Variants in GALNT1 observed in about 807,000 individuals in gnomAD.
The protein encoded by GALNT1 is polypeptide N-acetylgalactosaminyltransferase 1.
GALNT1 carries 17 observed loss-of-function variants against 65.7 expected under a neutral mutation model. The observed-to-expected ratio is 0.26, with a 90% CI of 0.18 to 0.39. The LOEUF (loss-of-function observed/expected upper bound fraction) is 0.39, where lower values mean the gene tolerates loss of function less well. Ranked by LOEUF, GALNT1 falls within the 10% of genes least tolerant of loss-of-function variation. GALNT1 has a pLI of 1.00. For synonymous variants in GALNT1, 210 were observed against 219.7 expected, an observed-to-expected ratio of 0.96 and a Z score of 0.39; for missense variants, 460 against 672.8, an observed-to-expected ratio of 0.68 and a Z score of 3.50.
At chr18:35,677,285 G>A (rs1296109575) in intron 3 of GALNT1, among the ~76,000 whole-genome samples, 1 of 151,972 alleles carries the variant, frequency 6.6e-6, no homozygotes, top group Non-Finnish European at 1.5e-5. Flanking sequence ...TTCAGTTTTG[G>A]GCAGATAATA....
intron 1 of GALNT1, among the ~76,000 whole-genome samples, chr18:35,638,037 T>C (rs2047114937): frequency 6.6e-6 from 1 of 152,218 alleles, no homozygotes. Flanking sequence ...AAAGATTCCT[T>C]TCAAAATATT....
intron 9 of GALNT1, among the ~76,000 whole-genome samples, chr18:35,694,285 G>C (rs1042271721): frequency 9.2e-5 from 14 of 152,092 alleles, no homozygotes; most frequent in African/African-American, 2.9e-4. Context: ...GGAGAATATG[G>C]GCTTAAAGGG....
chr18:35,622,878 C>T (rs2046871923), intron 1 of GALNT1, among the ~76,000 whole-genome samples: 1 of 151,842 alleles, frequency 6.6e-6, no homozygotes, highest in Non-Finnish European at 1.5e-5. Context: ...GTTAGGTTAA[C>T]CAAATTCTTA....
intron 1 of GALNT1, among the ~76,000 whole-genome samples, chr18:35,593,932 A>C (rs1229845109): frequency 6.6e-6 from 1 of 150,864 alleles, no homozygotes; most frequent in Non-Finnish European, 1.5e-5. Context: ...CTGGCCTTGA[A>C]CTCCTGACCT....
At chr18:35,626,550 G>A (rs1405830218) in intron 1 of GALNT1, among the ~76,000 whole-genome samples, 1 of 152,050 alleles carries the variant, frequency 6.6e-6, no homozygotes, top group Non-Finnish European at 1.5e-5. Flanking sequence ...AATAATTATA[G>A]GTTGCAGATT....
intron 4 of GALNT1, among the ~76,000 whole-genome samples, chr18:35,681,875 T>G (rs1302907755): frequency 6.6e-6 from 1 of 152,160 alleles, no homozygotes; most frequent in African/African-American, 2.4e-5. Flanking sequence ...CTGTATCACC[T>G]TAATCAAATT....
At chr18:35,590,215 G>A (rs988689568) in intron 1 of GALNT1, among the ~76,000 whole-genome samples, 2 of 152,212 alleles carry the variant, frequency 1.3e-5, no homozygotes, top group African/African-American at 4.8e-5. Context: ...TGAGAGTTGA[G>A]AGTGCATCTC....
upstream of GALNT1, chr18:35,581,700 G>T (rs1446446060): frequency 0.016 from 1 of 62 alleles, no homozygotes; most frequent in Non-Finnish European, 0.036. Flanking sequence ...GCGGAGCGGG[G>T]CCCGGCCGGA....
At chr18:35,702,718 A>G in intron 9 of GALNT1, 179 bp from the exon 10 acceptor site, 1 of 391,380 alleles carries the variant, frequency 2.6e-6, no homozygotes, top group Non-Finnish European at 4.6e-6. Context: ...TTACATAAAC[A>G]GTTGTAAGAC....
rs111667407 is a variant in GALNT1, at chr18:35,643,763, A to G, written c.-103-10797A>G. On this transcript the variant is annotated intron_variant, in intron 1 of 11. Coordinates refer to ENST00000269195, the MANE Select transcript of GALNT1 (RefSeq NM_020474.4). The stretch of plus-strand genomic sequence containing the variant: ...CAGTGAGCCGAGATCGTGCCACTAC[A>G]CTCCAGCCTGGGCAACAGAGTGAGA... Among the ~76,000 whole-genome samples, 956 of 149,084 alleles carry G rather than the reference A, an allele frequency of 6.4e-3. 18 individuals carry two copies. The highest frequency in any genetic ancestry group is 0.023 in the African/African-American group (906 of 40,238).
intron 1 of GALNT1, among the ~76,000 whole-genome samples, chr18:35,645,295 A>G (rs796396513): frequency 7.3e-6 from 1 of 136,904 alleles, no homozygotes; most frequent in Non-Finnish European, 1.5e-5. Flanking sequence ...CAGTGGCGCA[A>G]TCTCAGCTCA....
chr18:35,599,157 CTAT>C (rs2046545804), intron 1 of GALNT1, among the ~76,000 whole-genome samples: 1 of 151,800 alleles, frequency 6.6e-6, no homozygotes, highest in Non-Finnish European at 1.5e-5. Context: ...GTGTTTTCTC[CTAT>C]TATAAACAGG....
At chr18:35,698,487 A>C (rs2048099440) in intron 9 of GALNT1, among the ~76,000 whole-genome samples, 2 of 152,128 alleles carry the variant, frequency 1.3e-5, no homozygotes, top group South Asian at 4.1e-4. Context: ...AAATAAAATA[A>C]AATAAATGAA....
Position 35,630,763 on chromosome 18 carries a change from G to C in GALNT1, c.-103-23797G>C, listed in dbSNP as rs558083494. Among the ~76,000 whole-genome samples the C allele has an allele frequency of 4.7e-3, 713 of 152,224 alleles. 3 individuals carry two copies. Among genetic ancestry groups the C allele is most frequent in the Non-Finnish European group, 8.0e-3 (542 of 68,012 alleles). Reference sequence around the variant, plus strand: ...CCCTTCAAAAAATCAATGAATCCAGGAGCTGGTTTTTTGAAAAGATCAACA... The same window carrying C: ...CCCTTCAAAAAATCAATGAATCCAGCAGCTGGTTTTTTGAAAAGATCAACA... On this transcript the variant is annotated intron_variant, in intron 1 of 11. Coordinates refer to ENST00000269195, the MANE Select transcript of GALNT1 (RefSeq NM_020474.4).
In GALNT1 at chr18:35,677,487, C is replaced by G. The variant is rs1013002337; in HGVS notation, c.315-104C>G. On this transcript the variant is annotated intron_variant, in intron 3 of 11. Transcript: ENST00000269195. ...TGAAAAGGTACCAAGGATCCCACCA[C>G]TAGAGCAAACTGCTTTTATTGTTCT... The G allele has an allele frequency of 1.2e-5, 10 of 822,948 alleles. No individual in the cohort carries two copies. The African/African-American group carries it at 1.6e-4, about 13-fold the overall frequency. The allele number at this position is 822,948 out of a possible 1,614,324, so 51.0% of individuals were successfully genotyped here.
intron 1 of GALNT1, among the ~76,000 whole-genome samples, chr18:35,635,308 G>A (rs1260657787): frequency 6.6e-6 from 1 of 152,172 alleles, no homozygotes; most frequent in Non-Finnish European, 1.5e-5. Flanking sequence ...AGTCACATAA[G>A]CACATTCCTA....
At chr18:35,604,239 G>A (rs1425210252) in intron 1 of GALNT1, among the ~76,000 whole-genome samples, 1 of 152,106 alleles carries the variant, frequency 6.6e-6, no homozygotes, top group East Asian at 1.9e-4. Flanking sequence ...TTGTTGCAAA[G>A]GACGTGATTT....
intron 1 of GALNT1, among the ~76,000 whole-genome samples, chr18:35,652,901 C>T (rs141015887): frequency 5.9e-5 from 9 of 152,214 alleles, no homozygotes; most frequent in Middle Eastern, 3.4e-3. Flanking sequence ...TTTTAGAGAC[C>T]GTAAAACCAC....
chr18:35,642,558 T>C (rs1406196584), intron 1 of GALNT1, among the ~76,000 whole-genome samples: 2 of 152,184 alleles, frequency 1.3e-5, no homozygotes, highest in East Asian at 1.9e-4. Flanking sequence ...GGTGGAGATG[T>C]GTGTTGTGTT....
Sources: allele counts gnomAD v4.1 joint callset (sites outside exome capture counted in the v4.1 genomes callset), GRCh38; gene constraint gnomAD v4.1.1; transcripts MANE v1.5; gene names NCBI Gene and HGNC (gene_info 2026-07-23, HGNC 2026-07-21).